PEAK1: variants seen among roughly 807,000 people sequenced by gnomAD.
PEAK1 encodes the protein pseudopodium enriched atypical kinase 1, also known as inactive tyrosine-protein kinase PEAK1.
Under a neutral mutation model 124.7 loss-of-function variants are expected in PEAK1, and 54 were observed. The observed-to-expected ratio is 0.43, with a 90% CI of 0.35 to 0.54. The LOEUF is 0.54. Ranked by LOEUF, PEAK1 falls within the 20% of genes least tolerant of loss-of-function variation. The pLI, the probability that PEAK1 is intolerant of heterozygous loss-of-function variation, is 0.01. For synonymous variants in PEAK1, 719 were observed against 760.0 expected, an observed-to-expected ratio of 0.95 and a Z score of 0.89; for missense variants, 2,046 against 2,134.5, an observed-to-expected ratio of 0.96 and a Z score of 0.82.
intron 2 of PEAK1, among the ~76,000 whole-genome samples, chr15:77,341,045 G>C (rs1175402902): frequency 6.6e-6 from 1 of 151,352 alleles, no homozygotes; most frequent in Non-Finnish European, 1.5e-5. Context: ...TTGATCTCCT[G>C]GGCTCAAACA....
In PEAK1 at chr15:77,345,440, C is replaced by T. The variant is rs562373928; in HGVS notation, c.-603+19723G>A. Among the ~76,000 whole-genome samples the T allele has an allele frequency of 5.3e-5, 8 of 152,228 alleles. No individual in the cohort carries two copies. In the South Asian group the frequency reaches 1.7e-3, roughly 32 times the overall value. On this transcript the variant is annotated intron_variant, in intron 2 of 9. Coordinates refer to ENST00000682557, the MANE Select transcript of PEAK1 (RefSeq NM_001385026.1). ...TTAAAACAGAATTTAGTGACACAAA[C>T]TCTTTGAGTTTTATGAAAGACCAGA...
At chr15:77,157,046 C>G (rs1555425333) in intron 8 of PEAK1, 1 of 152,134 alleles carries the variant, frequency 6.6e-6, no homozygotes, top group African/African-American at 2.4e-5. Context: ...GTATTTTCAA[C>G]TGCATATGGG....
At chr15:77,390,423 A>C (rs751609928) in intron 1 of PEAK1, among the ~76,000 whole-genome samples, 1 of 152,198 alleles carries the variant, frequency 6.6e-6, no homozygotes, top group Non-Finnish European at 1.5e-5. Context: ...CCTGCTTTCT[A>C]CCTGACACAT....
chr15:77,146,327 T>G (rs1349419294), intron 8 of PEAK1, among the ~76,000 whole-genome samples: 1 of 152,184 alleles, frequency 6.6e-6, no homozygotes, highest in African/African-American at 2.4e-5. Context: ...GATATCAACT[T>G]CATGCCAAAC....
intron 5 of PEAK1, among the ~76,000 whole-genome samples, chr15:77,264,341 T>A (rs953262293): frequency 6.6e-6 from 1 of 152,158 alleles, no homozygotes; most frequent in African/African-American, 2.4e-5. Context: ...GACATGATTG[T>A]ATATCTAGAA....
intron 7 of PEAK1, among the ~76,000 whole-genome samples, chr15:77,162,256 G>T (rs2055715752): frequency 1.3e-5 from 2 of 151,962 alleles, no homozygotes; most frequent in African/African-American, 4.8e-5. Context: ...CACTTTGGGA[G>T]GCCGATGCAG....
chr15:77,376,714 G>A (rs1159552386), intron 1 of PEAK1, among the ~76,000 whole-genome samples: 1 of 152,030 alleles, frequency 6.6e-6, no homozygotes, highest in Non-Finnish European at 1.5e-5. Context: ...ACACAATAAG[G>A]ATATTTTATA....
intron 2 of PEAK1, among the ~76,000 whole-genome samples, chr15:77,321,122 G>A (rs530858278): frequency 6.6e-6 from 1 of 152,268 alleles, no homozygotes; most frequent in Admixed American, 6.5e-5. Context: ...ATAAACATAT[G>A]TGTGCATGTG....
intron 6 of PEAK1, among the ~76,000 whole-genome samples, chr15:77,237,259 A>C: frequency 6.6e-6 from 1 of 152,178 alleles, no homozygotes; most frequent in East Asian, 1.9e-4. Context: ...AAAATGATTA[A>C]AAATTTAAAT....
Position 77,133,414 on chromosome 15 carries a change from C to G in PEAK1, c.3668G>C (p.Arg1223Pro), listed in dbSNP as rs199818872. ...TGCTGAGGGGACAGGTCTCTCCTTGCGCAAAGGCCTTTCCAAGGAGTCATA... is the reference window on the plus strand; with the variant it reads ...TGCTGAGGGGACAGGTCTCTCCTTGGGCAAAGGCCTTTCCAAGGAGTCATA... The part of the protein sequence containing the change: ...ESYDSLERPL[R>P]KERPVPSAAN... The change falls in exon 9 of 10, where the codon CGC becomes CCC. Residue 1223 changes from arginine (R) to proline (P), a missense_variant. Coordinates refer to ENST00000682557, the MANE Select transcript of PEAK1 (RefSeq NM_001385026.1). The surrounding 1 kb of genome is among the most constrained non-coding windows in gnomAD (Gnocchi z 4.2). 1 of 1,614,170 alleles carries G rather than the reference C, an allele frequency of 6.2e-7. No individual in the cohort carries two copies.
In PEAK1 at chr15:77,179,584, TGGA is replaced by T. The variant is rs777610335; in HGVS notation, c.2340_2342del (p.Pro781del). The T allele has an allele frequency of 1.1e-5, 17 of 1,614,040 alleles. No homozygotes were observed. The South Asian group carries it at 1.9e-4, about 18-fold the overall frequency. On this transcript the variant is annotated inframe_deletion, in exon 7 of 10. Coordinates refer to ENST00000682557, the MANE Select transcript of PEAK1 (RefSeq NM_001385026.1). ...CTTTAGGGCCAGATTGAGGTGTTTC[TGGA>T]GGAGACTGTGGGGGTTGGATTGAAG...
chr15:77,387,194 C>A (rs2070026218), intron 1 of PEAK1, among the ~76,000 whole-genome samples: 1 of 152,160 alleles, frequency 6.6e-6, no homozygotes, highest in Non-Finnish European at 1.5e-5. Flanking sequence ...TACAAAAACA[C>A]TTGCTCCCTT....
intron 6 of PEAK1, among the ~76,000 whole-genome samples, chr15:77,215,012 T>A (rs752433042): frequency 2.0e-5 from 3 of 152,220 alleles, no homozygotes; most frequent in African/African-American, 4.8e-5. Flanking sequence ...TAACTTTATA[T>A]GGTATTACCA....
chr15:77,387,728 C>T lies in PEAK1; in HGVS notation c.-665-22503G>A, dbSNP rs1567338900. Among the ~76,000 whole-genome samples, 4 of 152,172 alleles carry T rather than the reference C, an allele frequency of 2.6e-5. No homozygotes were observed. In the South Asian group the frequency reaches 8.3e-4, roughly 32 times the overall value. ...TCCCAAAAAAACAAGCAATAATTAT[C>T]TTTCCCTCTATAGCAAAACAATTAA... On this transcript the variant is annotated intron_variant, in intron 1 of 9. Transcript: ENST00000682557.
chr15:77,164,648 G>A (rs2152797667), intron 7 of PEAK1, among the ~76,000 whole-genome samples: 1 of 152,266 alleles, frequency 6.6e-6, no homozygotes, highest in South Asian at 2.1e-4. Flanking sequence ...AAGTCAGAAT[G>A]GCATCTGTGC....
intron 1 of PEAK1, chr15:77,371,148 G>A (rs1280894316): frequency 2.1e-6 from 2 of 967,284 alleles, no homozygotes; most frequent in African/African-American, 1.8e-5. Flanking sequence ...CAAACCAAAA[G>A]GGCTGAAAGT....
chr15:77,219,999 C>T (rs189493368), intron 6 of PEAK1, among the ~76,000 whole-genome samples: 56 of 152,210 alleles, frequency 3.7e-4, no homozygotes, highest in African/African-American at 9.9e-4. Flanking sequence ...AGCATGCAGA[C>T]ATCAACATTT....
At chr15:77,347,866 C>A in intron 2 of PEAK1, 8 of 984,096 alleles carry the variant, frequency 8.1e-6, no homozygotes, top group Non-Finnish European at 9.7e-6. Context: ...AACAATGCTA[C>A]ATTTAAAAAT....
intron 6 of PEAK1, among the ~76,000 whole-genome samples, chr15:77,233,878 T>C (rs187012177): frequency 5.6e-4 from 86 of 152,340 alleles, no homozygotes; most frequent in African/African-American, 2.0e-3. Flanking sequence ...TCTCTTTTTT[T>C]TGAAAGACAT....
Sources: gnomAD v4.1 joint callset for allele counts (sites outside exome capture counted in the v4.1 genomes callset) on GRCh38, gnomAD v4.1.1 for gene constraint, Gnocchi (gnomAD v3.1) non-coding constraint, MANE v1.5 for transcripts, NCBI Gene and HGNC (gene_info 2026-07-23, HGNC 2026-07-21) for gene names.